Variants in EFR3B observed in about 807,000 individuals in gnomAD.
EFR3B encodes protein EFR3 homolog B.
EFR3B carries 64 observed loss-of-function variants against 104.7 expected under a neutral mutation model. The observed-to-expected ratio is 0.61, with a 90% CI of 0.50 to 0.75. The LOEUF (loss-of-function observed/expected upper bound fraction) is 0.75. Among genes scored for constraint, EFR3B ranks in the 30% least tolerant of loss-of-function variants. The probability of loss-of-function intolerance (pLI) is 0.00; values close to 1 mark genes in which losing one functional copy is unlikely to be tolerated. For missense variants in EFR3B, 750 were observed against 1,078.5 expected (o/e 0.70, Z 4.27); for synonymous variants, 385 against 417.9 (o/e 0.92, Z 0.96).
In EFR3B at chr2:25,042,494, A is replaced by G; in HGVS notation, c.7+175A>G. 2.5e-6 allele frequency: 3 copies of G among 1,206,326 alleles called. No homozygotes were observed. The East Asian group carries it at 1.0e-4, about 41-fold the overall frequency. 74.7% of individuals were successfully genotyped at this position (1,206,326 alleles called of 1,614,324 possible). Reference sequence around the variant, plus strand: ...GCGCGTCTGCGCTGCGAGGACAAAGATGCCTCGGGCCGGGGACCCTGGGGT... The same window carrying G: ...GCGCGTCTGCGCTGCGAGGACAAAGGTGCCTCGGGCCGGGGACCCTGGGGT... On this transcript the variant is annotated intron_variant, in intron 1 of 22. Transcript: ENST00000403714. The surrounding 1 kb of genome is among the most constrained non-coding windows in gnomAD (Gnocchi z 5.4).
At chr2:25,066,654 T>G (rs138338786) in intron 1 of EFR3B, among the ~76,000 whole-genome samples, 61 of 152,382 alleles carry the variant, frequency 4.0e-4, no homozygotes, top group Non-Finnish European at 6.6e-4. Flanking sequence ...CAGTGACACT[T>G]GTGCTTCCTT....
At chr2:25,110,236 A>C (rs72807674) in intron 4 of EFR3B, among the ~76,000 whole-genome samples, 36,900 of 151,268 alleles carry the variant, frequency 0.24, 4,846 homozygotes, top group Middle Eastern at 0.34. Context: ...CACCTGCCTT[A>C]CCCTCCCAGG....
chr2:25,097,004 T>A (rs1669299625), intron 3 of EFR3B, among the ~76,000 whole-genome samples: 2 of 152,220 alleles, frequency 1.3e-5, no homozygotes, highest in South Asian at 4.1e-4. Flanking sequence ...TTGTAAATTA[T>A]ACTCAAGCAA....
chr2:25,099,978 G>A (rs898040992), intron 3 of EFR3B, among the ~76,000 whole-genome samples: 8 of 152,072 alleles, frequency 5.3e-5, no homozygotes, highest in South Asian at 2.1e-4. Context: ...CGAGGTGGGT[G>A]GGTCACCTGA....
chr2:25,094,755 T>A (rs1174518319), intron 3 of EFR3B, among the ~76,000 whole-genome samples: 1 of 152,080 alleles, frequency 6.6e-6, no homozygotes, highest in Non-Finnish European at 1.5e-5. Context: ...TATTTGTTGA[T>A]CCCAAAGAAT....
intron 1 of EFR3B, among the ~76,000 whole-genome samples, chr2:25,073,099 A>G (rs1178410099): frequency 3.9e-5 from 6 of 152,192 alleles, no homozygotes; most frequent in Non-Finnish European, 8.8e-5. Flanking sequence ...ATTCACAACG[A>G]TAGTTATGAT....
rs927773006 is a variant in EFR3B at position 25,130,691 on chromosome 2, G to A, written c.849+61G>A. 73 of 1,455,566 alleles carry A rather than the reference G, an allele frequency of 5.0e-5. No individual in the cohort carries two copies. Among genetic ancestry groups the A allele is most frequent in the Non-Finnish European group, 6.0e-5 (64 of 1,060,350 alleles). 90.2% of individuals were successfully genotyped at this position (1,455,566 alleles called of 1,614,324 possible). A position where few individuals can be genotyped will look rare whatever the true frequency, so the allele number is the denominator to read the frequency against. ...ACAAAGGCCTCTCTAGAAGCTAGAC[G>A]GGTGCTAAAATAGAAAGCCAGAAGT... is the stretch of plus-strand genomic sequence containing the variant. On this transcript the variant is annotated intron_variant, in intron 8 of 22. Coordinates refer to ENST00000403714, the MANE Select transcript of EFR3B (RefSeq NM_014971.2). This position sits in a 1 kb window ranked among gnomAD's most constrained non-coding sequence, Gnocchi z 4.6.
intron 1 of EFR3B, among the ~76,000 whole-genome samples, chr2:25,055,381 G>C (rs992328646): frequency 3.9e-5 from 6 of 152,124 alleles, no homozygotes; most frequent in African/African-American, 1.4e-4. Flanking sequence ...GGACCCATAG[G>C]GACTTTTAAG....
In EFR3B at chr2:25,131,436, G is replaced by C; in HGVS notation, c.918G>C (p.Ala306=). 1 of 1,550,808 alleles carries C rather than the reference G, an allele frequency of 6.4e-7. No homozygotes were observed. Among genetic ancestry groups the C allele is most frequent in the Non-Finnish European group, 8.7e-7 (1 of 1,146,866 alleles). Residue 306 remains alanine (A), a synonymous_variant, in exon 9 of 23, where the codon GCG becomes GCC. Transcript: ENST00000403714. The surrounding 1 kb of genome is among the most constrained non-coding windows in gnomAD (Gnocchi z 7.6). ...TGGACGCCAACAGCCGCAGCGCTGCGACGGTGCGCGCGGGCATCGTGGAAG... is the reference window on the plus strand; with the variant it reads ...TGGACGCCAACAGCCGCAGCGCTGCCACGGTGCGCGCGGGCATCGTGGAAG... ...GHLDANSRSA[A]TVRAGIVEVL...
intron 19 of EFR3B, chr2:25,146,493 G>A (rs1337503396): frequency 6.6e-6 from 1 of 152,246 alleles, no homozygotes; most frequent in African/African-American, 2.4e-5. Flanking sequence ...TCCAAGGACT[G>A]GGAACCTCCA....
intron 4 of EFR3B, chr2:25,116,213 C>G (rs1047957100): frequency 5.9e-5 from 9 of 152,206 alleles, no homozygotes; most frequent in Admixed American, 5.9e-4. Flanking sequence ...GAATAAGAAC[C>G]TTACTAATAA....
At chr2:25,089,195 C>A (rs778754666) in intron 1 of EFR3B, among the ~76,000 whole-genome samples, 2 of 152,174 alleles carry the variant, frequency 1.3e-5, no homozygotes, top group Non-Finnish European at 2.9e-5. Flanking sequence ...ACTGTCCCGG[C>A]CTGATGTCTC....
Position 25,136,645 on chromosome 2 carries a change from C to G in EFR3B, c.1560+47C>G. Reference sequence around the variant, plus strand: ...GCACAGTGAAGGGCGGGCACGGTGGCTCACGCCTGCAATCCCAGCACTTTG... The same window carrying G: ...GCACAGTGAAGGGCGGGCACGGTGGGTCACGCCTGCAATCCCAGCACTTTG... On this transcript the variant is annotated intron_variant, in intron 14 of 22. Transcript: ENST00000403714. This position sits in a 1 kb window ranked among gnomAD's most constrained non-coding sequence, Gnocchi z 4.0. 2 of 1,498,656 alleles carry G rather than the reference C, an allele frequency of 1.3e-6. No homozygotes were observed. Among genetic ancestry groups the G allele is most frequent in the Non-Finnish European group, 1.8e-6 (2 of 1,100,794 alleles). The allele number at this position is 1,498,656 out of a possible 1,614,324, so 92.8% of individuals were successfully genotyped here.
chr2:25,045,851 TC>T (rs1263685187), intron 1 of EFR3B, among the ~76,000 whole-genome samples: 1 of 151,920 alleles, frequency 6.6e-6, no homozygotes, highest in Non-Finnish European at 1.5e-5. Context: ...GCATCCCGTT[TC>T]CCCGCTGAGG....
At chr2:25,145,323 A>T in intron 19 of EFR3B, 2 of 523,200 alleles carry the variant, frequency 3.8e-6, no homozygotes, top group Non-Finnish European at 3.4e-6. Context: ...TGTGATCCCA[A>T]CATTTTGGAG....
intron 1 of EFR3B, among the ~76,000 whole-genome samples, chr2:25,085,199 G>A (rs1049596229): frequency 1.8e-4 from 27 of 152,062 alleles, no homozygotes; most frequent in African/African-American, 5.8e-4. Flanking sequence ...GATTTCCATC[G>A]TCAAACTGTA....
At chr2:25,086,105 ATTTC>A (rs1668944157) in intron 1 of EFR3B, among the ~76,000 whole-genome samples, 1 of 151,764 alleles carries the variant, frequency 6.6e-6, no homozygotes, top group African/African-American at 2.4e-5. Flanking sequence ...TTGATCACTC[ATTTC>A]TTTTTAGTGC....
At chr2:25,097,370 C>G (rs1228229185) in intron 3 of EFR3B, among the ~76,000 whole-genome samples, 1 of 152,220 alleles carries the variant, frequency 6.6e-6, no homozygotes, top group East Asian at 1.9e-4. Flanking sequence ...TCATCATTAT[C>G]TTCCTCATCA....
chr2:25,059,369 C>G (rs1410925147), intron 1 of EFR3B, among the ~76,000 whole-genome samples: 1 of 152,002 alleles, frequency 6.6e-6, no homozygotes, highest in Non-Finnish European at 1.5e-5. Flanking sequence ...CAGTCATGAA[C>G]CACCACACCC....
Sources: gnomAD v4.1 joint callset for allele counts (sites outside exome capture counted in the v4.1 genomes callset) on GRCh38, gnomAD v4.1.1 for gene constraint, Gnocchi (gnomAD v3.1) non-coding constraint, MANE v1.5 for transcripts, NCBI Gene and HGNC (gene_info 2026-07-23, HGNC 2026-07-21) for gene names.